The following QKI variants were observed in gnomAD, a reference collection of about 807,000 sequenced individuals.
QKI encodes QKI, KH domain containing RNA binding, also known as KH domain-containing RNA-binding protein QKI.
A neutral mutation model predicts 39.0 loss-of-function variants in QKI; 10 were observed. The ratio of observed to expected loss-of-function variants is 0.26; its 90% CI spans 0.16 to 0.43. The LOEUF is 0.43. Ranked by LOEUF, QKI falls within the 20% of genes least tolerant of loss-of-function variation. QKI has a pLI of 1.00. For missense variants in QKI, 218 were observed against 428.0 expected (o/e 0.51, Z 4.33); for synonymous variants, 204 against 155.4 (o/e 1.31, Z -2.33).
rs1783725509 is a variant in QKI at position 163,572,060 on chromosome 6, G to A, written c.*1350G>A. The A allele has an allele frequency of 6.6e-6, 1 of 152,134 alleles. No homozygotes were observed. Among genetic ancestry groups the A allele is most frequent in the Non-Finnish European group, 1.5e-5 (1 of 68,012 alleles). The allele number at this position is 152,134 out of a possible 1,614,324, so 9.4% of individuals were successfully genotyped here. On this transcript the variant is annotated 3_prime_UTR_variant, in exon 8 of 8. Coordinates refer to ENST00000361752, the MANE Select transcript of QKI (RefSeq NM_006775.3). ...GCAAATTTGCCAAATCTGATACTGT[G>A]AAAAGATTTGATAACTTTTCTAATG... is the stretch of plus-strand genomic sequence containing the variant.
chr6:163,421,612 G>A (rs1787997887), intron 1 of QKI, among the ~76,000 whole-genome samples: 2 of 152,204 alleles, frequency 1.3e-5, no homozygotes, highest in Non-Finnish European at 2.9e-5. Flanking sequence ...AATCATATGT[G>A]GCTGATTGTC....
intron 4 of QKI, among the ~76,000 whole-genome samples, chr6:163,556,824 A>G (rs1282629735): frequency 6.6e-6 from 1 of 152,166 alleles, no homozygotes; most frequent in Non-Finnish European, 1.5e-5. Flanking sequence ...CCGATACCAC[A>G]GGTTTTAGCT....
chr6:163,472,158 A>G (rs1249502472), intron 2 of QKI, among the ~76,000 whole-genome samples: 1 of 152,214 alleles, frequency 6.6e-6, no homozygotes, highest in Non-Finnish European at 1.5e-5. Context: ...CCGATAACAT[A>G]AACAGTTGAT....
intron 6 of QKI, chr6:163,564,094 G>C (rs1472708077): frequency 9.5e-7 from 1 of 1,057,272 alleles, no homozygotes; most frequent in Non-Finnish European, 1.1e-6. Context: ...TTATCTCACA[G>C]GTTTGTGTAA....
At position 163,500,115 on chromosome 6, in the gene QKI, C is replaced by A. The variant is rs1415274156; in HGVS notation, c.402+21219C>A. 2.0e-5 allele frequency among the ~76,000 whole-genome samples: 3 copies of A among 152,126 alleles called. No individual in the cohort carries two copies. The South Asian group carries it at 6.2e-4, about 31-fold the overall frequency. On this transcript the variant is annotated intron_variant, in intron 3 of 7. Transcript: ENST00000361752. ...GGGACTGTCCAAGGAATAGCAAAGT[C>A]AGCAAGGGTGGAAAGTGGGAAGAGA...
At chr6:163,444,473 A>C (rs1232686075) in intron 1 of QKI, among the ~76,000 whole-genome samples, 1 of 152,170 alleles carries the variant, frequency 6.6e-6, no homozygotes, top group African/African-American at 2.4e-5. Flanking sequence ...ATTGTTTTGG[A>C]TTGTAATCTT....
At chr6:163,490,104 C>T (rs1054484590) in intron 3 of QKI, among the ~76,000 whole-genome samples, 5 of 152,074 alleles carry the variant, frequency 3.3e-5, no homozygotes, top group Non-Finnish European at 5.9e-5. Context: ...TAGTAGAATT[C>T]GCTATGAAAA....
Position 163,426,906 on chromosome 6 carries a change from A to T in QKI, c.142+11571A>T, listed in dbSNP as rs144910118. On this transcript the variant is annotated intron_variant, in intron 1 of 7. Coordinates refer to ENST00000361752, the MANE Select transcript of QKI (RefSeq NM_006775.3). ...GGATTTCATAGATTCAATGTACTTA[A>T]GTCAACTATAATTAATTTTGATGTT... Among the ~76,000 whole-genome samples, 20 of 152,278 alleles carry T rather than the reference A, an allele frequency of 1.3e-4. 1 individual carries two copies. Among genetic ancestry groups the T allele is most frequent in the African/African-American group, 4.3e-4 (18 of 41,546 alleles).
chr6:163,519,943 T>C (rs546464994), intron 3 of QKI, among the ~76,000 whole-genome samples: 1 of 152,070 alleles, frequency 6.6e-6, no homozygotes, highest in African/African-American at 2.4e-5. Context: ...TCTGAAAGAG[T>C]AGAGTTACTT....
intron 4 of QKI, among the ~76,000 whole-genome samples, chr6:163,545,384 C>T (rs1008237931): frequency 6.6e-6 from 1 of 152,092 alleles, no homozygotes; most frequent in African/African-American, 2.4e-5. Flanking sequence ...ATTCGGGTGA[C>T]ATTCCATACA....
intron 1 of QKI, among the ~76,000 whole-genome samples, chr6:163,427,954 A>G (rs762068618): frequency 6.6e-6 from 1 of 152,210 alleles, no homozygotes; most frequent in East Asian, 1.9e-4. Flanking sequence ...CAAAATCTCT[A>G]GTGCAAACTT....
At chr6:163,443,343 G>C (rs373020695) in intron 1 of QKI, among the ~76,000 whole-genome samples, 6 of 152,362 alleles carry the variant, frequency 3.9e-5, no homozygotes, top group African/African-American at 1.4e-4. Context: ...GGCCAAGGCG[G>C]GTGGATTACG....
intron 3 of QKI, among the ~76,000 whole-genome samples, chr6:163,493,627 A>C (rs916733687): frequency 6.6e-6 from 1 of 152,180 alleles, no homozygotes. Context: ...GGATTCCACC[A>C]CTGAGGTGGG....
At chr6:163,457,452 T>A in intron 2 of QKI, 1 of 455,976 alleles carries the variant, frequency 2.2e-6, no homozygotes, top group Non-Finnish European at 4.4e-6. Flanking sequence ...TCTTGATCGG[T>A]GATTCTCAAA....
rs772272574 is a variant in QKI at position 163,455,259 on chromosome 6, A to G, written c.143-20A>G. ...AATATTTTTTTTGTCTAACACATTT[A>G]AAATTTTTACTTTTAACAGAAATTA... On this transcript the variant is annotated intron_variant, in intron 1 of 7. Transcript: ENST00000361752. 1 of 1,593,674 alleles carries G rather than the reference A, an allele frequency of 6.3e-7. No homozygotes were observed. The highest frequency in any genetic ancestry group is 2.2e-5 in the East Asian group (1 of 44,528).
At chr6:163,569,756 T>C in intron 7 of QKI, 1 of 990,914 alleles carries the variant, frequency 1.0e-6, no homozygotes, top group Non-Finnish European at 1.2e-6. Flanking sequence ...ATATGAAATG[T>C]CAGATTTTAT....
At chr6:163,430,153 TAGAG>T (rs756547797) in intron 1 of QKI, among the ~76,000 whole-genome samples, 16 of 152,276 alleles carry the variant, frequency 1.1e-4, no homozygotes, top group Middle Eastern at 3.4e-3. Flanking sequence ...AATTCTCTAT[TAGAG>T]AGAGCTTTTT....
At chr6:163,439,332 TTTTTTTTG>T (rs1347988916) in intron 1 of QKI, among the ~76,000 whole-genome samples, 1 of 126,570 alleles carries the variant, frequency 7.9e-6, no homozygotes, top group Non-Finnish European at 1.7e-5. Context: ...CCTTCGTGGT[TTTTTTTTG>T]TTTTTTTTTT....
intron 1 of QKI, among the ~76,000 whole-genome samples, chr6:163,439,339 TG>T (rs374628954): frequency 0.061 from 7,263 of 118,534 alleles, 257 homozygotes; most frequent in Non-Finnish European, 0.095. Context: ...GGTTTTTTTT[TG>T]TTTTTTTTTT....
Sources: allele counts gnomAD v4.1 joint callset (sites outside exome capture counted in the v4.1 genomes callset), GRCh38; gene constraint gnomAD v4.1.1; transcripts MANE v1.5; gene names NCBI Gene and HGNC (gene_info 2026-07-23, HGNC 2026-07-21).